Variants in KLHL32 observed in about 807,000 individuals in gnomAD.
KLHL32 encodes the protein kelch like family member 32.
KLHL32 carries 35 observed loss-of-function variants against 64.8 expected under a neutral mutation model. That is an observed-to-expected ratio of 0.54 (90% CI 0.41 to 0.72). The LOEUF (loss-of-function observed/expected upper bound fraction) is 0.72, where lower values mean the gene tolerates loss of function less well. Ranked by LOEUF, KLHL32 falls within the 30% of genes least tolerant of loss-of-function variation. The pLI is 0.00. For missense variants in KLHL32, 589 were observed against 768.5 expected, an observed-to-expected ratio of 0.77 and a Z score of 2.76; for synonymous variants, 259 against 281.0, an observed-to-expected ratio of 0.92 and a Z score of 0.78.
chr6:96,952,312 T>G (rs2128012069), intron 1 of KLHL32, among the ~76,000 whole-genome samples: 1 of 152,362 alleles, frequency 6.6e-6, no homozygotes, highest in Admixed American at 6.5e-5. Context: ...TGGGCATTTT[T>G]TAAAAGAAGT....
intron 4 of KLHL32, among the ~76,000 whole-genome samples, chr6:97,044,538 T>C (rs1321327068): frequency 6.6e-6 from 1 of 152,154 alleles, no homozygotes; most frequent in Non-Finnish European, 1.5e-5. Context: ...TTTGAAAGTA[T>C]TCCTTCTTTA....
At position 96,940,143 on chromosome 6, in the gene KLHL32, G is replaced by A. The variant is rs555848801; in HGVS notation, c.-66+15117G>A. ...GGTTATAGTACTAATCCATACAACT[G>A]TGTGATTATGGCAATATTAAATTTG... On this transcript the variant is annotated intron_variant, in intron 1 of 10. Coordinates refer to ENST00000369261, the MANE Select transcript of KLHL32 (RefSeq NM_052904.4). 5.3e-5 allele frequency among the ~76,000 whole-genome samples: 8 copies of A among 152,260 alleles called. No individual in the cohort carries two copies. In the South Asian group the frequency reaches 1.5e-3, roughly 28 times the overall value.
chr6:97,017,656 C>A (rs1781404277), intron 3 of KLHL32, among the ~76,000 whole-genome samples: 1 of 152,080 alleles, frequency 6.6e-6, no homozygotes, highest in Non-Finnish European at 1.5e-5. Flanking sequence ...GATGGCCAGC[C>A]AATTTAGGTT....
intron 4 of KLHL32, among the ~76,000 whole-genome samples, chr6:97,051,090 C>G (rs549314721): frequency 2.6e-5 from 4 of 152,184 alleles, no homozygotes; most frequent in Non-Finnish European, 5.9e-5. Context: ...CAATTCTGTG[C>G]TGAGGAACCC....
At chr6:96,977,441 A>G (rs1052175984) in intron 3 of KLHL32, among the ~76,000 whole-genome samples, 6 of 150,566 alleles carry the variant, frequency 4.0e-5, no homozygotes, top group African/African-American at 7.4e-5. Context: ...TAATTTCTAA[A>G]TATACATTAT....
chr6:97,055,968 CTTTT>C (rs1787796137), intron 4 of KLHL32, among the ~76,000 whole-genome samples: 1 of 151,840 alleles, frequency 6.6e-6, no homozygotes, highest in Non-Finnish European at 1.5e-5. Flanking sequence ...AGTCTGGAGG[CTTTT>C]ATCTTCATCA....
At chr6:96,948,121 T>C (rs898576291) in intron 1 of KLHL32, among the ~76,000 whole-genome samples, 4 of 152,196 alleles carry the variant, frequency 2.6e-5, no homozygotes, top group African/African-American at 9.7e-5. Context: ...ACTGGGCAAT[T>C]GTGAGAGTTT....
At chr6:97,017,241 TAGG>T (rs1781339976) in intron 3 of KLHL32, among the ~76,000 whole-genome samples, 1 of 152,252 alleles carries the variant, frequency 6.6e-6, no homozygotes, top group Admixed American at 6.5e-5. Flanking sequence ...CCTTGAGATT[TAGG>T]AGATTAATAA....
chr6:97,049,389 A>G (rs144578410), intron 4 of KLHL32, among the ~76,000 whole-genome samples: 126 of 152,314 alleles, frequency 8.3e-4, no homozygotes, highest in Admixed American at 2.0e-3. Flanking sequence ...TACAATGAGG[A>G]TATGCTGAAC....
the KLHL32 span, among the ~76,000 whole-genome samples, chr6:96,911,423 C>A: frequency 6.6e-6 from 1 of 152,116 alleles, no homozygotes; most frequent in Non-Finnish European, 1.5e-5. Context: ...GGTTTTAGCT[C>A]TTTACAAACA....
chr6:96,909,347 G>A, the KLHL32 span, among the ~76,000 whole-genome samples: 3 of 152,152 alleles, frequency 2.0e-5, no homozygotes, highest in East Asian at 3.9e-4. Flanking sequence ...TGTGTGTCAC[G>A]AAGGCTTATT....
intron 1 of KLHL32, among the ~76,000 whole-genome samples, chr6:96,964,449 C>G (rs1402152454): frequency 3.3e-5 from 5 of 152,154 alleles, no homozygotes; most frequent in African/African-American, 1.2e-4. Flanking sequence ...GTCAGGAGAT[C>G]GAGACCATCC....
intron 3 of KLHL32, among the ~76,000 whole-genome samples, chr6:96,980,971 T>A (rs1471294989): frequency 1.6e-5 from 2 of 122,742 alleles, no homozygotes; most frequent in African/African-American, 6.3e-5. Flanking sequence ...ATTCTTCACA[T>A]GGTGGCAGCA....
At chr6:97,071,041 C>T (rs1164605945) in intron 5 of KLHL32, among the ~76,000 whole-genome samples, 1 of 152,072 alleles carries the variant, frequency 6.6e-6, no homozygotes, top group East Asian at 1.9e-4. Context: ...TTGATTTCTC[C>T]TACTTTACTG....
chr6:97,071,635 C>A (rs9374333), intron 5 of KLHL32, among the ~76,000 whole-genome samples: 55,009 of 151,886 alleles, frequency 0.36, 11,015 homozygotes, highest in East Asian at 0.45. Flanking sequence ...TCCTCCTCAT[C>A]CTCCCTGTCT....
At chr6:96,979,005 G>A (rs1374855378) in intron 3 of KLHL32, among the ~76,000 whole-genome samples, 1 of 151,334 alleles carries the variant, frequency 6.6e-6, no homozygotes, top group Non-Finnish European at 1.5e-5. Flanking sequence ...TTTATTTTTT[G>A]CTTGCTAATT....
chr6:97,085,727 ATTTGGGCC>A (rs1232644985), intron 6 of KLHL32, among the ~76,000 whole-genome samples: 9 of 152,338 alleles, frequency 5.9e-5, no homozygotes, highest in East Asian at 5.8e-4. Context: ...ATCAGAGTAA[ATTTGGGCC>A]TTTGCTGTAA....
In KLHL32 at chr6:97,060,343, G is replaced by A. The variant is rs549994832; in HGVS notation, c.313-4285G>A. Among the ~76,000 whole-genome samples, 13 of 152,320 alleles carry A rather than the reference G, an allele frequency of 8.5e-5. No homozygotes were observed. In the South Asian group the frequency reaches 1.2e-3, roughly 15 times the overall value. On this transcript the variant is annotated intron_variant, in intron 4 of 10. Transcript: ENST00000369261. ...GGGAGAGGGAAAATAAAGAGAAAAA[G>A]AAGACAGAATTGAGAGAGTGGACAT...
At chr6:97,063,705 A>C (rs925613792) in intron 4 of KLHL32, among the ~76,000 whole-genome samples, 1 of 152,198 alleles carries the variant, frequency 6.6e-6, no homozygotes, top group African/African-American at 2.4e-5. Flanking sequence ...TTACTGATTC[A>C]GTATGTCTGG....
Sources: allele counts gnomAD v4.1 joint callset (sites outside exome capture counted in the v4.1 genomes callset), GRCh38; gene constraint gnomAD v4.1.1; transcripts MANE v1.5; gene names NCBI Gene and HGNC (gene_info 2026-07-23, HGNC 2026-07-21).